MARF1: variants seen among roughly 807,000 people sequenced by gnomAD.
The protein encoded by MARF1 is limkain-b1.
In MARF1, 24 loss-of-function variants were observed where a neutral mutation model predicts 168.2. That is an observed-to-expected ratio of 0.14 (90% CI 0.10 to 0.20). The LOEUF is 0.20. MARF1 is among the 10% of genes least tolerant of loss of function. The pLI, the probability that MARF1 is intolerant of heterozygous loss-of-function variation, is 1.00. For synonymous variants in MARF1, 868 were observed against 822.4 expected, an observed-to-expected ratio of 1.06 and a Z score of -0.95; for missense variants, 1,744 against 2,143.6, an observed-to-expected ratio of 0.81 and a Z score of 3.68.
At position 15,635,503 on chromosome 16, in the gene MARF1, C is replaced by T. The variant is rs2151297153; in HGVS notation, c.831+153G>A. 10 of 682,984 alleles carry T rather than the reference C, an allele frequency of 1.5e-5. 1 individual carries two copies. In the East Asian group the frequency reaches 2.7e-4, roughly 19 times the overall value. The allele number at this position is 682,984 out of a possible 1,614,324, so 42.3% of individuals were successfully genotyped here. A position where few individuals can be genotyped will look rare whatever the true frequency, so the allele number is the denominator to read the frequency against. ...CTCCCATCTTACCCTTTGTTTCTTT[C>T]AGAACCAGCAAAAATTATGCTGATG... On this transcript the variant is annotated intron_variant, in intron 3 of 26. Transcript: ENST00000396368.
chr16:15,602,101 T>A lies in MARF1; in HGVS notation c.4516A>T (p.Ile1506Phe). The A allele has an allele frequency of 6.2e-7, 1 of 1,614,170 alleles. No individual in the cohort carries two copies. Among genetic ancestry groups the A allele is most frequent in the Non-Finnish European group, 8.5e-7 (1 of 1,180,014 alleles). Residue 1506 changes from isoleucine (I) to phenylalanine (F), a missense_variant, in exon 23 of 27, where the codon ATT (isoleucine) becomes TTT (phenylalanine). Physicochemically the swap from Ile to Phe is conservative, Grantham distance 21. This residue lies in a region of MARF1 where 313 missense variants were observed against 337.4 expected (regional missense o/e 0.93). Coordinates refer to ENST00000396368, the MANE Select transcript of MARF1 (RefSeq NM_014647.4). Reference protein sequence around the residue: ...SLLHTYHYQQIFLHEFSMAYT... With the variant: ...SLLHTYHYQQFFLHEFSMAYT... Reference sequence around the variant, plus strand: ...GCCATGGAAAACTCATGAAGGAAAATCTGCTGGTAGTGGTAAGTATGAAGT... The same window carrying A: ...GCCATGGAAAACTCATGAAGGAAAAACTGCTGGTAGTGGTAAGTATGAAGT...
intron 16 of MARF1, among the ~76,000 whole-genome samples, chr16:15,613,708 T>TA (rs2033794718): frequency 6.8e-6 from 1 of 146,244 alleles, no homozygotes; most frequent in African/African-American, 2.5e-5. Flanking sequence ...TAAAATAAAA[T>TA]AAAAAGTGGA....
At chr16:15,600,177 G>T (rs992411834) in intron 25 of MARF1, among the ~76,000 whole-genome samples, 5 of 152,140 alleles carry the variant, frequency 3.3e-5, no homozygotes, top group Non-Finnish European at 7.4e-5. Flanking sequence ...CTGAACTGGG[G>T]TAAGATGATC....
intron 5 of MARF1, among the ~76,000 whole-genome samples, chr16:15,632,831 G>A (rs1365802239): frequency 6.6e-6 from 1 of 152,012 alleles, no homozygotes; most frequent in Non-Finnish European, 1.5e-5. Context: ...AGACTCTGGG[G>A]GTCAGACAAA....
intron 22 of MARF1, among the ~76,000 whole-genome samples, chr16:15,603,443 G>T (rs1005760755): frequency 5.3e-5 from 8 of 151,970 alleles, no homozygotes; most frequent in African/African-American, 1.9e-4. Context: ...TTAGTAGCTG[G>T]GATTATAGAC....
In MARF1 at chr16:15,596,614, G is replaced by T. The variant is rs2031711731; in HGVS notation, c.*79C>A. 6 of 1,407,090 alleles carry T rather than the reference G, an allele frequency of 4.3e-6. No homozygotes were observed. The highest frequency in any genetic ancestry group is 5.7e-6 in the Non-Finnish European group (6 of 1,052,164). The allele number at this position is 1,407,090 out of a possible 1,614,324, so 87.2% of individuals were successfully genotyped here. A position where few individuals can be genotyped will look rare whatever the true frequency, so the allele number is the denominator to read the frequency against. On this transcript the variant is annotated 3_prime_UTR_variant, in exon 27 of 27. Coordinates refer to ENST00000396368, the MANE Select transcript of MARF1 (RefSeq NM_014647.4). ...CGGGGGGTTTTCATGACACAGAAAA[G>T]GATGTATTTTTGAAACCCACTTTTG... is the stretch of plus-strand genomic sequence containing the variant.
At chr16:15,608,544 AG>A in intron 20 of MARF1, 26 bp from the exon 21 acceptor site, 4 of 1,547,424 alleles carry the variant, frequency 2.6e-6, no homozygotes, top group Non-Finnish European at 2.7e-6. Context: ...GGGGGAGGAA[AG>A]GGAAAATAAA....
Position 15,615,817 on chromosome 16 carries a change from A to G in MARF1, c.3253+13T>C, listed in dbSNP as rs2034001493. 4.6e-6 allele frequency: 7 copies of G among 1,517,226 alleles called. 1 individual carries two copies. In the East Asian group the frequency reaches 1.7e-4, roughly 36 times the overall value. The allele number at this position is 1,517,226 out of a possible 1,614,324, so 94.0% of individuals were successfully genotyped here. Reference sequence around the variant, plus strand: ...ACAGGTGGTAGCTCCAGGACAAAATACCTGACACCTACCAGTGTTGGGAGG... The same window carrying G: ...ACAGGTGGTAGCTCCAGGACAAAATGCCTGACACCTACCAGTGTTGGGAGG... On this transcript the variant is annotated intron_variant, in intron 16 of 26. Coordinates refer to ENST00000396368, the MANE Select transcript of MARF1 (RefSeq NM_014647.4).
chr16:15,604,231 G>A lies in MARF1; in HGVS notation c.4350C>T (p.Asn1450=), dbSNP rs753216531. ...HYESTHNTPL[N]PCEYGFMTLT... is the part of the protein sequence containing the mutation. ...AGGTCATGAATCCATATTCACAGGG[G>A]TTAAGGGGAGTGTTGTGGGTACTTT... The change falls in exon 22 of 27, where the codon AAC becomes AAT. Residue 1450 remains asparagine, a synonymous_variant. Transcript: ENST00000396368. 1 of 1,614,176 alleles carries A rather than the reference G, an allele frequency of 6.2e-7. No homozygotes were observed. Among genetic ancestry groups the A allele is most frequent in the African/African-American group, 1.3e-5 (1 of 75,036 alleles).
rs1567519856 is a variant in MARF1, at chr16:15,596,930, CATA to C, written c.4989_4991del (p.Ile1663del). The C allele has an allele frequency of 6.2e-7, 1 of 1,600,406 alleles. No individual in the cohort carries two copies. The highest frequency in any genetic ancestry group is 8.5e-7 in the Non-Finnish European group (1 of 1,170,250). On this transcript the variant is annotated inframe_deletion, in exon 27 of 27. Transcript: ENST00000396368. ...CCATTTTTTCTTCTTGGTTTAAAAT[CATA>C]ATTTCTGTAAACACAGAAAAGCAAA... is the stretch of plus-strand genomic sequence containing the variant.
At position 15,594,539 on chromosome 16, in the gene MARF1, G is replaced by C. The variant is rs1306349270; in HGVS notation, c.*2154C>G. 1 of 152,614 alleles carries C rather than the reference G, an allele frequency of 6.6e-6. No homozygotes were observed. The highest frequency in any genetic ancestry group is 2.4e-5 in the African/African-American group (1 of 41,452). The allele number at this position is 152,614 out of a possible 1,614,324, so 9.5% of individuals were successfully genotyped here. On this transcript the variant is annotated 3_prime_UTR_variant, in exon 27 of 27. Transcript: ENST00000396368. ...ATCCAAAACAAACAGTGCAAGATGG[G>C]AAAGGGGGTTTTGGTGATAACTTTT...
At chr16:15,634,360 G>A (rs927318020) in intron 4 of MARF1, among the ~76,000 whole-genome samples, 1 of 152,116 alleles carries the variant, frequency 6.6e-6, no homozygotes, top group Non-Finnish European at 1.5e-5. Context: ...TACTTTTTAG[G>A]GAAATTATTT....
In MARF1 at chr16:15,611,018, C is replaced by A. The variant is rs761364050; in HGVS notation, c.3708G>T (p.Leu1236Phe). 17 of 1,613,840 alleles carry A rather than the reference C, an allele frequency of 1.1e-5. No individual in the cohort carries two copies. The highest frequency in any genetic ancestry group is 2.2e-5 in the East Asian group (1 of 44,880). ...TCACCATTTCATTATCTTGTTGGGA[C>A]AAGCAGATGGTTGTGTCTGGAATCT... ...VSEIPDTTICLSQQDNEMVIC... is the reference protein window; with the variant it reads ...VSEIPDTTICFSQQDNEMVIC... The change falls in exon 19 of 27, where the codon TTG becomes TTT. Residue 1236 changes from leucine (L) to phenylalanine (F), a missense_variant. Leu to Phe is a conservative substitution (Grantham distance 22). Transcript: ENST00000396368.
chr16:15,597,972 GCTGCCAAGAA>G (rs2031928026), intron 26 of MARF1, among the ~76,000 whole-genome samples: 1 of 152,118 alleles, frequency 6.6e-6, no homozygotes, highest in Admixed American at 6.5e-5. Flanking sequence ...AGTGCTGAAC[GCTGCCAAGAA>G]CAACCAAGAT....
chr16:15,601,845 A>C, intron 23 of MARF1, 146 bp downstream of exon 23: 1 of 713,378 alleles, frequency 1.4e-6, no homozygotes, highest in Non-Finnish European at 2.5e-6. Flanking sequence ...AAAATCATTT[A>C]CTTTAGACCA....
chr16:15,632,685 C>A (rs1241923046), intron 5 of MARF1, among the ~76,000 whole-genome samples: 1 of 152,218 alleles, frequency 6.6e-6, no homozygotes, highest in Non-Finnish European at 1.5e-5. Flanking sequence ...GCCTCAGGCA[C>A]CTGCAATACA....
chr16:15,633,823 C>T lies in MARF1; in HGVS notation c.1027G>A (p.Ala343Thr). The T allele has an allele frequency of 1.9e-6, 3 of 1,612,264 alleles. No individual in the cohort carries two copies. Among genetic ancestry groups the T allele is most frequent in the Non-Finnish European group, 2.5e-6 (3 of 1,179,044 alleles). The change falls in exon 5 of 27, where the codon GCT (alanine) becomes ACT (threonine). Residue 343 changes from alanine (A) to threonine (T), a missense_variant. Ala to Thr is a moderately conservative substitution (Grantham distance 58). This residue lies in a region of MARF1 where 217 missense variants were observed against 372.4 expected (regional missense o/e 0.58). Coordinates refer to ENST00000396368, the MANE Select transcript of MARF1 (RefSeq NM_014647.4). ...SKFGSPEVAV[A>T]GQVLENLPPI... ...GGTAAGTTTTCTAGCACCTGTCCAGCTACTGCAACTTCTGGTGACCCTTAA... is the reference window on the plus strand; with the variant it reads ...GGTAAGTTTTCTAGCACCTGTCCAGTTACTGCAACTTCTGGTGACCCTTAA...
chr16:15,638,545 C>A (rs2035746018), intron 2 of MARF1, among the ~76,000 whole-genome samples: 1 of 151,770 alleles, frequency 6.6e-6, no homozygotes, highest in Admixed American at 6.6e-5. Context: ...GAGATCGCAC[C>A]ACTGCACTCC....
At chr16:15,635,047 C>A in intron 3 of MARF1, 116 bp from the exon 4 acceptor site, 2 of 813,802 alleles carry the variant, frequency 2.5e-6, no homozygotes, top group Non-Finnish European at 3.8e-6. Context: ...ACTTGCTAGC[C>A]TCTAATAAAA....
Sources: allele counts gnomAD v4.1 joint callset (sites outside exome capture counted in the v4.1 genomes callset), GRCh38; gene constraint gnomAD v4.1.1; regional missense constraint gnomAD v4.1.1; transcripts MANE v1.5; gene names NCBI Gene and HGNC (gene_info 2026-07-23, HGNC 2026-07-21).